Variants in RSPRY1 observed in about 807,000 individuals in gnomAD.
The protein encoded by RSPRY1 is ring finger and SPRY domain containing 1, also known as RING finger and SPRY domain-containing protein 1.
In RSPRY1, 23 loss-of-function variants were observed where a neutral mutation model predicts 73.1. The ratio of observed to expected loss-of-function variants is 0.31; its 90% confidence interval spans 0.23 to 0.45. The LOEUF is 0.45. Ranked by LOEUF, RSPRY1 falls within the 20% of genes least tolerant of loss-of-function variation. RSPRY1 has a pLI of 1.00. For missense variants in RSPRY1, 448 were observed against 698.7 expected, an observed-to-expected ratio of 0.64 and a Z score of 4.05; for synonymous variants, 226 against 251.4, an observed-to-expected ratio of 0.90 and a Z score of 0.95.
intron 1 of RSPRY1, among the ~76,000 whole-genome samples, chr16:57,193,389 T>C (rs962600113): frequency 3.3e-5 from 5 of 152,194 alleles, no homozygotes; most frequent in Admixed American, 2.0e-4. Flanking sequence ...CTGGCAAGTG[T>C]AATCTTCATG....
At chr16:57,200,876 A>G (rs1292801888) in intron 1 of RSPRY1, among the ~76,000 whole-genome samples, 1 of 101,744 alleles carries the variant, frequency 9.8e-6, no homozygotes, top group African/African-American at 3.9e-5. Flanking sequence ...GGCCGGGCAG[A>G]GGGGCTCCTT....
chr16:57,216,161 T>C lies in RSPRY1; in HGVS notation c.757T>C (p.Phe253Leu). 1.9e-6 allele frequency: 3 copies of C among 1,611,990 alleles called. No homozygotes were observed. The highest frequency in any genetic ancestry group is 2.5e-6 in the Non-Finnish European group (3 of 1,178,380). ...MLFALIALEK[F>L]AQTSENKLTI... Reference sequence around the variant, plus strand: ...TTTTGCACTTATCGCACTGGAAAAGTTTGCACAGACAAGTAGGTATAGTGA... The same window carrying C: ...TTTTGCACTTATCGCACTGGAAAAGCTTGCACAGACAAGTAGGTATAGTGA... Residue 253 changes from phenylalanine (F) to leucine (L), a missense_variant, in exon 7 of 15, where the codon TTT becomes CTT. Transcript: ENST00000394420.
At position 57,239,950 on chromosome 16, in the gene RSPRY1, G is replaced by A. The variant is rs1197159694; in HGVS notation, c.*975G>A. On this transcript the variant is annotated 3_prime_UTR_variant, in exon 15 of 15. Coordinates refer to ENST00000394420, the MANE Select transcript of RSPRY1 (RefSeq NM_133368.3). ...TTGTTCTAAATAAATACATGTTTTT[G>A]AATAGTTCAATCATGAATTATTGAC... is the stretch of plus-strand genomic sequence containing the variant. 1 of 152,110 alleles carries A rather than the reference G, an allele frequency of 6.6e-6. No individual in the cohort carries two copies. Among genetic ancestry groups the A allele is most frequent in the African/African-American group, 2.4e-5 (1 of 41,424 alleles). The allele number at this position is 152,110 out of a possible 1,614,324, so 9.4% of individuals were successfully genotyped here.
intron 1 of RSPRY1, among the ~76,000 whole-genome samples, chr16:57,190,128 G>T (rs1317406514): frequency 3.3e-5 from 5 of 152,062 alleles, no homozygotes; most frequent in Non-Finnish European, 4.4e-5. Flanking sequence ...AACACTTTGG[G>T]CGGCCAAGGC....
intron 1 of RSPRY1, among the ~76,000 whole-genome samples, chr16:57,202,472 A>G (rs934092748): frequency 6.6e-6 from 1 of 152,184 alleles, no homozygotes; most frequent in African/African-American, 2.4e-5. Context: ...TGTTTCCTCT[A>G]TTCTCTTAAG....
intron 6 of RSPRY1, among the ~76,000 whole-genome samples, chr16:57,214,780 G>T (rs963569415): frequency 2.7e-4 from 41 of 152,238 alleles, no homozygotes; most frequent in African/African-American, 9.2e-4. Flanking sequence ...TATAAGCCCG[G>T]CATTTTGGGA....
chr16:57,227,541 C>A, intron 11 of RSPRY1, 88 bp downstream of exon 11: 4 of 894,252 alleles, frequency 4.5e-6, no homozygotes, highest in East Asian at 2.5e-5. Flanking sequence ...CTTAAAATGT[C>A]TTAGGAGAAG....
chr16:57,235,062 T>C, intron 13 of RSPRY1, 62 bp from the exon 14 acceptor site: 10 of 1,147,076 alleles, frequency 8.7e-6, no homozygotes, highest in Non-Finnish European at 1.3e-5. Flanking sequence ...ACATTTCATA[T>C]GCATCACTGC....
At chr16:57,219,133 A>G (rs1361254704) in intron 8 of RSPRY1, among the ~76,000 whole-genome samples, 3 of 152,160 alleles carry the variant, frequency 2.0e-5, no homozygotes. Flanking sequence ...GATTGCAGAT[A>G]TTTCTTTGAC....
chr16:57,194,890 G>A, intron 1 of RSPRY1, among the ~76,000 whole-genome samples: 1 of 152,042 alleles, frequency 6.6e-6, no homozygotes, highest in East Asian at 1.9e-4. Flanking sequence ...TGATGGTAGA[G>A]GTCTGTGTTT....
intron 1 of RSPRY1, among the ~76,000 whole-genome samples, chr16:57,200,671 CCACCTCCCTCCCGGACGGGGCGGCTG>C (rs2146211845): frequency 7.7e-6 from 1 of 129,940 alleles, no homozygotes; most frequent in Non-Finnish European, 1.6e-5. Flanking sequence ...GCTGACCCCC[CCACCTCCCTCCCGGACGGGGCGGCTG>C]GCCGGGCAGA....
Position 57,194,556 on chromosome 16 carries a change from C to T in RSPRY1, c.-156+8105C>T, listed in dbSNP as rs140359404. On this transcript the variant is annotated intron_variant, in intron 1 of 14. Transcript: ENST00000394420. Reference sequence around the variant, plus strand: ...ACATTTTGCTATTCATGCTATTTGACTTAGCCTTTGTGGGGGAGGGTTGGA... The same window carrying T: ...ACATTTTGCTATTCATGCTATTTGATTTAGCCTTTGTGGGGGAGGGTTGGA... 7.1e-3 allele frequency among the ~76,000 whole-genome samples: 1,088 copies of T among 152,202 alleles called. 12 individuals carry two copies. Among genetic ancestry groups the T allele is most frequent in the African/African-American group, 0.025 (1,048 of 41,512 alleles).
intron 4 of RSPRY1, among the ~76,000 whole-genome samples, chr16:57,210,548 C>T (rs563652427): frequency 6.6e-6 from 1 of 151,628 alleles, no homozygotes; most frequent in East Asian, 2.0e-4. Flanking sequence ...ACTAAAATAC[C>T]CCGTCTCTAC....
In RSPRY1 at chr16:57,240,358, C is replaced by CAA. The variant is rs1445558451; in HGVS notation, c.*1388_*1389dup. The CAA allele has an allele frequency of 1.1e-4, 17 of 149,374 alleles. No homozygotes were observed. The highest frequency in any genetic ancestry group is 4.0e-4 in the East Asian group (2 of 4,956). 9.3% of individuals were successfully genotyped at this position (149,374 alleles called of 1,614,324 possible). A position where few individuals can be genotyped will look rare whatever the true frequency, so the allele number is the denominator to read the frequency against. On this transcript the variant is annotated 3_prime_UTR_variant, in exon 15 of 15. Coordinates refer to ENST00000394420, the MANE Select transcript of RSPRY1 (RefSeq NM_133368.3). The stretch of plus-strand genomic sequence containing the variant: ...ATAAATCCACACACACACACACACA[C>CAA]AAAAAATATATATATATATAAATAT...
At chr16:57,201,158 A>C (rs1163454825) in intron 1 of RSPRY1, among the ~76,000 whole-genome samples, 6 of 150,478 alleles carry the variant, frequency 4.0e-5, no homozygotes, top group Non-Finnish European at 7.4e-5. Context: ...CTCACTTCTC[A>C]GACGGTGTGG....
chr16:57,235,043 A>G, intron 13 of RSPRY1, 81 bp from the exon 14 acceptor site: 1 of 961,494 alleles, frequency 1.0e-6, no homozygotes, highest in Non-Finnish European at 1.7e-6. Context: ...GGTGCAGAGC[A>G]TTTTCAAAAC....
At chr16:57,227,046 G>A (rs1244281811) in intron 10 of RSPRY1, among the ~76,000 whole-genome samples, 2 of 152,168 alleles carry the variant, frequency 1.3e-5, no homozygotes, top group African/African-American at 4.8e-5. Context: ...TTAAAATGGA[G>A]TCTGATGCCA....
rs1225972196 is a variant in RSPRY1, at chr16:57,204,868, T to C, written c.210T>C (p.Thr70=). The change falls in exon 2 of 15, where the codon ACT becomes ACC. Residue 70 remains threonine (T), a synonymous_variant. Transcript: ENST00000394420. ...QQQAENSAVP[T]ADTRSQPRDP... ...AGGCCGAGAACAGTGCAGTACCCAC[T>C]GCTGACACAAGGAGCCAACCACGGG... 1 of 1,614,058 alleles carries C rather than the reference T, an allele frequency of 6.2e-7. No homozygotes were observed. The highest frequency in any genetic ancestry group is 8.5e-7 in the Non-Finnish European group (1 of 1,180,042).
intron 1 of RSPRY1, among the ~76,000 whole-genome samples, chr16:57,196,034 A>AT (rs36083992): frequency 0.5 from 61,170 of 122,524 alleles, 16,069 homozygotes; most frequent in East Asian, 0.59. Context: ...AAAAAAAAAA[A>AT]ATATATATAT....
Sources: allele counts gnomAD v4.1 joint callset (sites outside exome capture counted in the v4.1 genomes callset), GRCh38; gene constraint gnomAD v4.1.1; transcripts MANE v1.5; gene names NCBI Gene and HGNC (gene_info 2026-07-23, HGNC 2026-07-21).